Variants in USP32 observed in about 807,000 individuals in gnomAD.
The protein encoded by USP32 is ubiquitin specific peptidase 32, also known as ubiquitin carboxyl-terminal hydrolase 32.
In USP32, 59 loss-of-function variants were observed where a neutral mutation model predicts 204.8. The observed-to-expected ratio is 0.29, with a 90% CI of 0.23 to 0.36. The LOEUF (loss-of-function observed/expected upper bound fraction) is 0.36. USP32 is among the 10% of genes least tolerant of loss of function. USP32 has a pLI of 1.00. For missense variants in USP32, 1,160 were observed against 1,946.4 expected (o/e 0.60, Z 7.60); for synonymous variants, 517 against 678.4 (o/e 0.76, Z 3.70).
At chr17:60,284,268 T>TC (rs2087051466) in intron 5 of USP32, among the ~76,000 whole-genome samples, 1 of 149,736 alleles carries the variant, frequency 6.7e-6, no homozygotes, top group Non-Finnish European at 1.5e-5. Flanking sequence ...GGCTGGAGTG[T>TC]AGTGGCATGA....
intron 27 of USP32, among the ~76,000 whole-genome samples, chr17:60,197,476 T>C (rs1407867736): frequency 6.6e-6 from 1 of 151,906 alleles, no homozygotes; most frequent in African/African-American, 2.4e-5. Context: ...TGGTGGTGCA[T>C]GCCTGTAATC....
At chr17:60,402,660 T>G (rs1370978217) in intron 1 of USP32, among the ~76,000 whole-genome samples, 1 of 152,144 alleles carries the variant, frequency 6.6e-6, no homozygotes, top group Non-Finnish European at 1.5e-5. Flanking sequence ...TGATTCTGGG[T>G]TGTCATTGCT....
At chr17:60,271,821 T>C (rs1162045177) in intron 5 of USP32, among the ~76,000 whole-genome samples, 1 of 151,964 alleles carries the variant, frequency 6.6e-6, no homozygotes, top group Non-Finnish European at 1.5e-5. Context: ...TCTTTTTTTT[T>C]TTTTAAGAGA....
chr17:60,380,683 A>C (rs2089632375), intron 1 of USP32, among the ~76,000 whole-genome samples: 1 of 152,222 alleles, frequency 6.6e-6, no homozygotes, highest in Admixed American at 6.5e-5. Context: ...CAAATTATAT[A>C]AATTACATGG....
intron 30 of USP32, among the ~76,000 whole-genome samples, chr17:60,184,836 A>G (rs2084210317): frequency 6.6e-6 from 1 of 151,960 alleles, no homozygotes; most frequent in East Asian, 1.9e-4. Context: ...AAAACATATA[A>G]ATATCTGAAT....
At chr17:60,265,844 T>C in intron 8 of USP32, 132 bp downstream of exon 8, 1 of 677,050 alleles carries the variant, frequency 1.5e-6, no homozygotes, top group Non-Finnish European at 2.4e-6. Context: ...TCTTCAGCTA[T>C]AAATATTTTG....
intron 30 of USP32, among the ~76,000 whole-genome samples, chr17:60,184,499 C>G (rs1032427858): frequency 1.3e-5 from 2 of 151,988 alleles, no homozygotes; most frequent in African/African-American, 4.8e-5. Flanking sequence ...AGTAGTATGA[C>G]AGAGACATGA....
rs529253991 is a variant in USP32, at chr17:60,384,788, G to A, written c.58+7094C>T. On this transcript the variant is annotated intron_variant, in intron 1 of 33. Coordinates refer to ENST00000300896, the MANE Select transcript of USP32 (RefSeq NM_032582.4). ...GCCTAGGCAACAAGAGCAAAACTCC[G>A]TCCAAAAAAAAAAAAAAATCCCTAA... Among the ~76,000 whole-genome samples the A allele has an allele frequency of 3.0e-3, 447 of 148,266 alleles. 5 individuals are homozygous for A. The highest frequency in any genetic ancestry group is 7.7e-3 in the African/African-American group (309 of 40,276).
At chr17:60,321,764 A>G (rs752143956) in intron 2 of USP32, among the ~76,000 whole-genome samples, 30 of 152,204 alleles carry the variant, frequency 2.0e-4, no homozygotes, top group Admixed American at 2.6e-4. Flanking sequence ...AAATCTATCA[A>G]TTGGAAATCT....
chr17:60,306,404 G>A (rs184067223), intron 2 of USP32, among the ~76,000 whole-genome samples: 9 of 152,290 alleles, frequency 5.9e-5, no homozygotes, highest in East Asian at 1.9e-4. Flanking sequence ...TTGGAAAGCC[G>A]AGGGGGGTGG....
At chr17:60,353,506 C>T (rs1472690601) in intron 1 of USP32, among the ~76,000 whole-genome samples, 3 of 151,938 alleles carry the variant, frequency 2.0e-5, no homozygotes, top group African/African-American at 7.3e-5. Context: ...TTTGGGAGGC[C>T]GAAGCAGGTG....
At chr17:60,325,046 T>C (rs1331533372) in intron 2 of USP32, among the ~76,000 whole-genome samples, 1 of 152,098 alleles carries the variant, frequency 6.6e-6, no homozygotes, top group Non-Finnish European at 1.5e-5. Context: ...ATGATTTAGC[T>C]ACAGGTGTTA....
chr17:60,297,127 GT>G (rs988843278), intron 3 of USP32, among the ~76,000 whole-genome samples: 3 of 152,200 alleles, frequency 2.0e-5, no homozygotes, highest in African/African-American at 4.8e-5. Context: ...GCCAGGTATG[GT>G]GGCTCATATT....
At chr17:60,323,997 C>A (rs1024497073) in intron 2 of USP32, among the ~76,000 whole-genome samples, 1 of 152,122 alleles carries the variant, frequency 6.6e-6, no homozygotes, top group Admixed American at 6.6e-5. Context: ...AAGCATAAAC[C>A]AGGCCAGGTG....
intron 1 of USP32, among the ~76,000 whole-genome samples, chr17:60,417,219 ATTTC>A (rs986111951): frequency 1.4e-4 from 21 of 150,732 alleles, no homozygotes; most frequent in African/African-American, 4.6e-4. Flanking sequence ...TGCCCAGCAA[ATTTC>A]TTTCTTTCTT....
Position 60,187,849 on chromosome 17 carries a change from T to C in USP32, c.3643-2198A>G, listed in dbSNP as rs2084288919. Among the ~76,000 whole-genome samples, 3 of 152,224 alleles carry C rather than the reference T, an allele frequency of 2.0e-5. No individual in the cohort carries two copies. The South Asian group carries it at 6.2e-4, about 31-fold the overall frequency. ...CTATAAATTACTTATAGGCACCCTCTTCTTTTTCAAAGTTACTTTAAAGCT... is the reference window on the plus strand; with the variant it reads ...CTATAAATTACTTATAGGCACCCTCCTCTTTTTCAAAGTTACTTTAAAGCT... On this transcript the variant is annotated intron_variant, in intron 29 of 33. Coordinates refer to ENST00000300896, the MANE Select transcript of USP32 (RefSeq NM_032582.4).
At chr17:60,183,771 G>A (rs2084175746) in intron 30 of USP32, among the ~76,000 whole-genome samples, 1 of 152,192 alleles carries the variant, frequency 6.6e-6, no homozygotes, top group African/African-American at 2.4e-5. Flanking sequence ...ACCCTCCACA[G>A]AGCCAGAAGT....
chr17:60,343,871 A>G (rs1468772498), intron 2 of USP32, among the ~76,000 whole-genome samples: 2 of 151,946 alleles, frequency 1.3e-5, no homozygotes, highest in East Asian at 3.9e-4. Flanking sequence ...GTCTCTACTA[A>G]AAATACCAAA....
intron 1 of USP32, among the ~76,000 whole-genome samples, chr17:60,352,603 G>A (rs2146029950): frequency 6.6e-6 from 1 of 152,260 alleles, no homozygotes; most frequent in Middle Eastern, 3.4e-3. Flanking sequence ...ATCCTTTCCT[G>A]GCTTTAAACA....
Sources: allele counts gnomAD v4.1 joint callset (sites outside exome capture counted in the v4.1 genomes callset), GRCh38; gene constraint gnomAD v4.1.1; transcripts MANE v1.5; gene names NCBI Gene and HGNC (gene_info 2026-07-23, HGNC 2026-07-21).